Variants in ZBTB46 observed in about 807,000 individuals in gnomAD.
ZBTB46 encodes the protein zinc finger and BTB domain-containing protein 46.
In ZBTB46, 8 loss-of-function variants were observed where a neutral mutation model predicts 44.1. That is an observed-to-expected ratio of 0.18 (90% CI 0.11 to 0.33). The LOEUF (loss-of-function observed/expected upper bound fraction) is 0.33. ZBTB46 is among the 10% of genes least tolerant of loss of function. ZBTB46 has a pLI of 1.00. For synonymous variants in ZBTB46, 409 were observed against 382.3 expected (o/e 1.07, Z -0.81); for missense variants, 651 against 847.7 (o/e 0.77, Z 2.88).
chr20:63,814,972 G>T, intron 1 of ZBTB46: 1 of 156,928 alleles, frequency 6.4e-6, no homozygotes, highest in Non-Finnish European at 1.4e-5. Context: ...GGAAGCTGAG[G>T]CACAAGGATC....
chr20:63,821,614 G>A (rs1290657815), intron 1 of ZBTB46, among the ~76,000 whole-genome samples: 2 of 151,782 alleles, frequency 1.3e-5, no homozygotes, highest in Non-Finnish European at 2.9e-5. Context: ...TAATTTTTTT[G>A]TGTATATATT....
chr20:63,768,840 A>C (rs1328641721), intron 3 of ZBTB46, among the ~76,000 whole-genome samples: 1 of 152,128 alleles, frequency 6.6e-6, no homozygotes, highest in Non-Finnish European at 1.5e-5. Flanking sequence ...GGGGTTGGCC[A>C]GAAATGTGCA....
chr20:63,819,614 G>A (rs540254560), intron 1 of ZBTB46, among the ~76,000 whole-genome samples: 16 of 152,314 alleles, frequency 1.1e-4, no homozygotes, highest in Admixed American at 4.6e-4. Flanking sequence ...CAGTGTCCCA[G>A]GGGCCAGACC....
intron 4 of ZBTB46, among the ~76,000 whole-genome samples, chr20:63,748,216 G>A (rs563300982): frequency 8.8e-4 from 134 of 152,382 alleles, no homozygotes; most frequent in Non-Finnish European, 1.8e-3. Context: ...GTGGCTGCCA[G>A]GGAGGGCAGT....
intron 2 of ZBTB46, among the ~76,000 whole-genome samples, chr20:63,776,244 G>A (rs1273773128): frequency 1.3e-5 from 2 of 152,242 alleles, no homozygotes; most frequent in Non-Finnish European, 2.9e-5. Context: ...CTCCCTGGAC[G>A]AGGCGCTGCA....
At chr20:63,769,921 TCCG>T (rs1209540119) in intron 3 of ZBTB46, among the ~76,000 whole-genome samples, 1 of 152,082 alleles carries the variant, frequency 6.6e-6, no homozygotes. Context: ...GCCCAGCCGC[TCCG>T]CCATCTCCAC....
chr20:63,796,371 G>A (rs911924231), intron 1 of ZBTB46, among the ~76,000 whole-genome samples: 2 of 152,214 alleles, frequency 1.3e-5, no homozygotes, highest in African/African-American at 2.4e-5. Flanking sequence ...TCCTCCCCTA[G>A]GGCCCATCCC....
chr20:63,755,167 T>C (rs910088881), intron 3 of ZBTB46, among the ~76,000 whole-genome samples: 2 of 152,242 alleles, frequency 1.3e-5, no homozygotes, highest in African/African-American at 4.8e-5. Flanking sequence ...CCTCACCACC[T>C]GCATGTGCTG....
Position 63,779,406 on chromosome 20 carries a change from A to ATTT in ZBTB46, c.938-3447_938-3445dup, listed in dbSNP as rs59166121. ...CAGGTGCGTGCCACCACGCCGGCTAATTTTTTTTTTTTTTTTTTTTTTTTT... is the reference window on the plus strand; with the variant it reads ...CAGGTGCGTGCCACCACGCCGGCTAATTTTTTTTTTTTTTTTTTTTTTTTTTTT... On this transcript the variant is annotated intron_variant, in intron 2 of 4. Coordinates refer to ENST00000245663, the MANE Select transcript of ZBTB46 (RefSeq NM_001369741.1). Among the ~76,000 whole-genome samples the ATTT allele has an allele frequency of 5.9e-4, 62 of 105,544 alleles. 1 individual carries two copies. The highest frequency in any genetic ancestry group is 1.2e-3 in the African/African-American group (30 of 24,936). The allele number at this position is 105,544 out of a possible 152,430, so 69.2% of individuals were successfully genotyped here. A position where few individuals can be genotyped will look rare whatever the true frequency, so the allele number is the denominator to read the frequency against.
Position 63,746,968 on chromosome 20 carries a change from G to A in ZBTB46, c.1732C>T (p.Pro578Ser). The change falls in exon 5 of 5, where the codon CCA (proline) becomes TCA (serine). Residue 578 changes from proline to serine, a missense_variant. Physicochemically the swap from Pro to Ser is moderately conservative, Grantham distance 74 (BLOSUM62 -1). Around this residue, in one of 5 missense-constraint regions of ZBTB46, gnomAD observed 106 missense variants for 81.0 expected, o/e 1.31. Coordinates refer to ENST00000245663, the MANE Select transcript of ZBTB46 (RefSeq NM_001369741.1). Reference sequence around the variant, plus strand: ...GCGAAGTCCTTGTCAGGGCCTCCTGGGGGGCTGCGCGGCCGCGGCGAGTCT... The same window carrying A: ...GCGAAGTCCTTGTCAGGGCCTCCTGAGGGGCTGCGCGGCCGCGGCGAGTCT... ...EEDSPRPRSP[P>S]GGPDKDFAWL... The A allele has an allele frequency of 1.9e-6, 3 of 1,597,564 alleles. No homozygotes were observed. The highest frequency in any genetic ancestry group is 2.6e-6 in the Non-Finnish European group (3 of 1,175,440).
chr20:63,801,457 T>A (rs1228409884), intron 1 of ZBTB46, among the ~76,000 whole-genome samples: 2 of 152,184 alleles, frequency 1.3e-5, no homozygotes, highest in East Asian at 1.9e-4. Flanking sequence ...ATCAGCAAGA[T>A]GTGGGTGGGG....
chr20:63,831,640 C>T (rs926592021), upstream of ZBTB46, among the ~76,000 whole-genome samples: 2 of 149,740 alleles, frequency 1.3e-5, no homozygotes, highest in Non-Finnish European at 3.0e-5. Context: ...GCGCCCTTGC[C>T]CCGCGAGCGC....
intron 1 of ZBTB46, among the ~76,000 whole-genome samples, chr20:63,794,642 G>A (rs1233539660): frequency 6.6e-6 from 1 of 152,162 alleles, no homozygotes; most frequent in Non-Finnish European, 1.5e-5. Flanking sequence ...AAATCTGCTC[G>A]TGGGGCCACG....
intron 2 of ZBTB46, among the ~76,000 whole-genome samples, chr20:63,779,406 ATTTTTTTTTTTTTTTTT>A (rs59166121): frequency 9.5e-6 from 1 of 105,578 alleles, no homozygotes; most frequent in Non-Finnish European, 1.8e-5. Flanking sequence ...ACGCCGGCTA[ATTTTTTTTTTTTTTTTT>A]TTTTTTTTTT....
At position 63,746,745 on chromosome 20, in the gene ZBTB46, C is replaced by A; in HGVS notation, c.*185G>T. ...CACTTCATGTCTGGTCCCAGAGCACCCCTCTTGCTGGGGTCGCACCTGCTT... is the reference window on the plus strand; with the variant it reads ...CACTTCATGTCTGGTCCCAGAGCACACCTCTTGCTGGGGTCGCACCTGCTT... On this transcript the variant is annotated 3_prime_UTR_variant, in exon 5 of 5. Transcript: ENST00000245663. 2 of 920,044 alleles carry A rather than the reference C, an allele frequency of 2.2e-6. No individual in the cohort carries two copies. The highest frequency in any genetic ancestry group is 3.1e-6 in the Non-Finnish European group (2 of 655,074). 57.0% of individuals were successfully genotyped at this position (920,044 alleles called of 1,614,324 possible). A position where few individuals can be genotyped will look rare whatever the true frequency, so the allele number is the denominator to read the frequency against.
At chr20:63,772,722 AACACACAC>A (rs67126549) in intron 3 of ZBTB46, among the ~76,000 whole-genome samples, 1 of 20,258 alleles carries the variant, frequency 4.9e-5, no homozygotes, top group African/African-American at 2.5e-4. Context: ...CTGTCTCAAA[AACACACAC>A]ACACACACAC....
intron 1 of ZBTB46, among the ~76,000 whole-genome samples, chr20:63,792,279 C>A (rs936570546): frequency 6.6e-6 from 1 of 152,196 alleles, no homozygotes; most frequent in Non-Finnish European, 1.5e-5. Context: ...GGGTCTCTCC[C>A]GTTACAAACC....
intron 2 of ZBTB46, among the ~76,000 whole-genome samples, chr20:63,780,240 C>T (rs2092457998): frequency 4.6e-5 from 7 of 151,354 alleles, no homozygotes; most frequent in Admixed American, 4.6e-4. Context: ...CATTGCACTC[C>T]AGCCTGGGCA....
intron 3 of ZBTB46, chr20:63,775,428 C>T (rs1052405182): frequency 2.3e-6 from 1 of 432,204 alleles, no homozygotes; most frequent in Non-Finnish European, 4.1e-6. Context: ...AGCAAGCACT[C>T]GGCTGCTCCC....
Sources: gnomAD v4.1 joint callset for allele counts (sites outside exome capture counted in the v4.1 genomes callset) on GRCh38, gnomAD v4.1.1 for gene constraint, gnomAD v4.1.1 regional missense constraint, MANE v1.5 for transcripts, NCBI Gene and HGNC (gene_info 2026-07-23, HGNC 2026-07-21) for gene names.